RBFOX1: variants seen among roughly 807,000 people sequenced by gnomAD.
RBFOX1 encodes the protein RNA binding fox-1 homolog 1.
In RBFOX1, 8 loss-of-function variants were observed where a neutral mutation model predicts 57.7. The ratio of observed to expected loss-of-function variants is 0.14; its 90% CI spans 0.08 to 0.25. The LOEUF (loss-of-function observed/expected upper bound fraction) is 0.25. Ranked by LOEUF, RBFOX1 falls within the 10% of genes least tolerant of loss-of-function variation. The probability of loss-of-function intolerance (pLI) is 1.00; values close to 1 mark genes in which losing one functional copy is unlikely to be tolerated. For synonymous variants in RBFOX1, 326 were observed against 222.4 expected (o/e 1.47, Z -4.15); for missense variants, 611 against 548.5 (o/e 1.11, Z -1.14).
At chr16:7,673,122 C>G (rs145311108) in intron 13 of RBFOX1, among the ~76,000 whole-genome samples, 13 of 152,198 alleles carry the variant, frequency 8.5e-5, no homozygotes, top group African/African-American at 3.1e-4. Flanking sequence ...GTACATGTTA[C>G]AGTCCTACCG....
At chr16:7,093,295 G>A (rs528220176) in intron 4 of RBFOX1, among the ~76,000 whole-genome samples, 2 of 152,268 alleles carry the variant, frequency 1.3e-5, no homozygotes, top group East Asian at 3.9e-4. Context: ...TTTCTTGACT[G>A]TGATGTATAC....
rs984439883 is a variant in RBFOX1 at position 5,249,422 on chromosome 16, G to T, written c.219+9317G>T. On this transcript the variant is annotated intron_variant, in intron 1 of 2. Transcript: ENST00000585867. ...AGACTCTGTGGCTTGAAAGCCTGTCGGCTTAAGTTGCAAGGTGTAGGTGCC... is the reference window on the plus strand; with the variant it reads ...AGACTCTGTGGCTTGAAAGCCTGTCTGCTTAAGTTGCAAGGTGTAGGTGCC... Among the ~76,000 whole-genome samples the T allele has an allele frequency of 5.9e-5, 9 of 152,140 alleles. 1 individual carries two copies. Among genetic ancestry groups the T allele is most frequent in the Non-Finnish European group, 1.2e-4 (8 of 68,024 alleles).
At chr16:6,157,687 T>C (rs2096848196) in intron 1 of RBFOX1, among the ~76,000 whole-genome samples, 1 of 152,204 alleles carries the variant, frequency 6.6e-6, no homozygotes, top group African/African-American at 2.4e-5. Context: ...TATATGCCCA[T>C]ATATAAAATG....
At chr16:6,806,546 C>T (rs114036145) in intron 3 of RBFOX1, among the ~76,000 whole-genome samples, 2,739 of 151,974 alleles carry the variant, frequency 0.018, 82 homozygotes, top group African/African-American at 0.063. Context: ...CATGGATAGT[C>T]TGTGGAGAAG....
intron 2 of RBFOX1, among the ~76,000 whole-genome samples, chr16:6,480,559 G>C (rs1002894356): frequency 6.6e-6 from 1 of 152,174 alleles, no homozygotes; most frequent in African/African-American, 2.4e-5. Context: ...CTAGCAGGCT[G>C]TACAGAAACA....
chr16:5,288,974 A>T (rs576308237), intron 1 of RBFOX1, among the ~76,000 whole-genome samples: 1 of 152,248 alleles, frequency 6.6e-6, no homozygotes, highest in South Asian at 2.1e-4. Context: ...AAATAAAAAA[A>T]ATTAGCTGGG....
chr16:7,142,912 A>ATT (rs35864335), intron 4 of RBFOX1, among the ~76,000 whole-genome samples: 4,902 of 147,234 alleles, frequency 0.033, 202 homozygotes, highest in African/African-American at 0.098. Context: ...TCTGCAGAGT[A>ATT]TTTTTTTTTT....
chr16:5,814,589 C>A (rs1245554978), intron 3 of RBFOX1, among the ~76,000 whole-genome samples: 1 of 152,178 alleles, frequency 6.6e-6, no homozygotes, highest in Non-Finnish European at 1.5e-5. Context: ...CGGTAGAGAG[C>A]CTATCTTCTC....
At chr16:5,360,566 T>C (rs879556859) in intron 1 of RBFOX1, among the ~76,000 whole-genome samples, 2 of 152,172 alleles carry the variant, frequency 1.3e-5, no homozygotes, top group Non-Finnish European at 2.9e-5. Context: ...ATTGATACTT[T>C]AAGGGAAAGA....
chr16:5,361,706 A>G (rs1307560467), intron 1 of RBFOX1, among the ~76,000 whole-genome samples: 1 of 152,208 alleles, frequency 6.6e-6, no homozygotes, highest in East Asian at 1.9e-4. Flanking sequence ...GAGAAAAACA[A>G]TTCCAGGTAC....
At position 5,653,320 on chromosome 16, in the gene RBFOX1, C is replaced by T. The variant is rs115660148; in HGVS notation, c.318+54359C>T. Among the ~76,000 whole-genome samples the T allele has an allele frequency of 9.8e-3, 1,421 of 144,408 alleles. 72 individuals are homozygous for T. The highest frequency in any genetic ancestry group is 0.038 in the African/African-American group (1,347 of 35,468). 94.7% of individuals were successfully genotyped at this position (144,408 alleles called of 152,430 possible). On this transcript the variant is annotated intron_variant, in intron 3 of 19. Transcript: ENST00000641259. ...GGGCTTCAGTGCAGAAGGTGGGGTG[C>T]TGAGTTGTGTGCTGGGCCTTTGTGC...
At chr16:6,822,775 C>G (rs1056114854) in intron 3 of RBFOX1, among the ~76,000 whole-genome samples, 1 of 152,180 alleles carries the variant, frequency 6.6e-6, no homozygotes, top group Non-Finnish European at 1.5e-5. Flanking sequence ...ACCTATGGGA[C>G]AAGCGCGAGT....
chr16:7,339,834 C>T (rs1306697606), intron 4 of RBFOX1, among the ~76,000 whole-genome samples: 1 of 152,232 alleles, frequency 6.6e-6, no homozygotes. Context: ...GCTCCAGCTT[C>T]AGGCACTATT....
chr16:6,491,116 A>G (rs1273081881), intron 2 of RBFOX1, among the ~76,000 whole-genome samples: 4 of 152,212 alleles, frequency 2.6e-5, no homozygotes, highest in African/African-American at 9.6e-5. Context: ...ATATAGTTAT[A>G]TCTATAGTTA....
At chr16:7,106,946 C>T (rs1421927724) in intron 4 of RBFOX1, among the ~76,000 whole-genome samples, 2 of 139,200 alleles carry the variant, frequency 1.4e-5, no homozygotes, top group Non-Finnish European at 3.1e-5. Context: ...GTCCCTAATC[C>T]TACGAAGCTT....
intron 3 of RBFOX1, among the ~76,000 whole-genome samples, chr16:6,957,110 T>TTA (rs1568074791): frequency 4.8e-5 from 6 of 123,814 alleles, no homozygotes; most frequent in African/African-American, 9.6e-5. Context: ...ATTTTTTTAT[T>TTA]TTTATTTTTA....
At chr16:6,488,060 A>G (rs562623716) in intron 2 of RBFOX1, among the ~76,000 whole-genome samples, 18 of 152,224 alleles carry the variant, frequency 1.2e-4, no homozygotes, top group Admixed American at 3.9e-4. Context: ...TTTCAATCCA[A>G]TACAGAAAGC....
intron 1 of RBFOX1, chr16:5,366,596 A>G: frequency 7.7e-6 from 3 of 389,396 alleles, no homozygotes; most frequent in Non-Finnish European, 1.5e-5. Context: ...TTTCCCAGAG[A>G]GGAAGCAAAG....
intron 4 of RBFOX1, among the ~76,000 whole-genome samples, chr16:7,447,450 AG>A (rs1174209383): frequency 1.3e-4 from 19 of 148,478 alleles, no homozygotes; most frequent in South Asian, 4.4e-4. Flanking sequence ...AAAAAAAAAA[AG>A]AGAGATTCCA....
Sources: gnomAD v4.1 joint callset for allele counts (sites outside exome capture counted in the v4.1 genomes callset) on GRCh38, gnomAD v4.1.1 for gene constraint, MANE v1.5 for transcripts, NCBI Gene and HGNC (gene_info 2026-07-23, HGNC 2026-07-21) for gene names.